ZNF277: variants seen among roughly 807,000 people sequenced by gnomAD.
The protein encoded by ZNF277 is zinc finger protein 277, also known as nuclear receptor-interacting factor 4.
In ZNF277, 55 loss-of-function variants were observed where a neutral mutation model predicts 60.7. The ratio of observed to expected loss-of-function variants is 0.91; its 90% CI spans 0.73 to 1.13. The LOEUF (loss-of-function observed/expected upper bound fraction) is 1.13, where lower values mean the gene tolerates loss of function less well. Ranked by LOEUF, ZNF277 falls within the 50% of genes most tolerant of loss-of-function variation. ZNF277 has a pLI of 0.00. For missense variants in ZNF277, 510 were observed against 523.0 expected, an observed-to-expected ratio of 0.98 and a Z score of 0.24; for synonymous variants, 178 against 179.3, an observed-to-expected ratio of 0.99 and a Z score of 0.06.
chr7:112,342,702 C>T lies in ZNF277; in HGVS notation c.1326C>T (p.Ser442=). The T allele has an allele frequency of 1.9e-6, 3 of 1,604,798 alleles. No individual in the cohort carries two copies. Among genetic ancestry groups the T allele is most frequent in the Non-Finnish European group, 2.5e-6 (3 of 1,176,852 alleles). ...CTAAACTGTATGCTTTGAAACAAAG[C>T]AGTATTTTGAACCAGTTGCTACTAT... ...DTSKLYALKQ[S]SILNQLLL is the part of the protein sequence containing the mutation. Residue 442 remains serine (S), a synonymous_variant, in exon 12 of 12, where the codon AGC becomes AGT. Coordinates refer to ENST00000361822, the MANE Select transcript of ZNF277 (RefSeq NM_021994.3).
chr7:112,208,679 T>TTTTG (rs1182370669), intron 1 of ZNF277, among the ~76,000 whole-genome samples: 1 of 119,712 alleles, frequency 8.4e-6, no homozygotes, highest in Non-Finnish European at 1.7e-5. Flanking sequence ...ATTTGATTTT[T>TTTTG]TTTTTTTTTT....
At chr7:112,212,901 C>T (rs974297280) in intron 1 of ZNF277, among the ~76,000 whole-genome samples, 1 of 152,162 alleles carries the variant, frequency 6.6e-6, no homozygotes, top group Non-Finnish European at 1.5e-5. Flanking sequence ...CACTCAAAGT[C>T]ATCAAGAAAC....
In ZNF277 at chr7:112,327,796, T is replaced by G. The variant is rs1421453013; in HGVS notation, c.637T>G (p.Phe213Val). 2 of 1,611,940 alleles carry G rather than the reference T, an allele frequency of 1.2e-6. No individual in the cohort carries two copies. Among genetic ancestry groups the G allele is most frequent in the South Asian group, 1.1e-5 (1 of 90,544 alleles). Residue 213 changes from phenylalanine to valine, a missense_variant, in exon 6 of 12, where the codon TTT (phenylalanine) becomes GTT (valine). By Grantham distance (50) the Phe-to-Val change is conservative. Transcript: ENST00000361822. ...LPDNIVNCNE[F>V]LCTLQKKLDN... The stretch of plus-strand genomic sequence containing the variant: ...AGACAACATTGTAAACTGCAATGAA[T>G]TTTTGTGTACATTACAGAAAAAGCT...
chr7:112,307,782 A>G (rs1792635077), intron 4 of ZNF277, among the ~76,000 whole-genome samples: 2 of 151,836 alleles, frequency 1.3e-5, no homozygotes, highest in Admixed American at 1.3e-4. Flanking sequence ...GATTTTAATT[A>G]GTATCTTAGT....
At chr7:112,233,536 A>G (rs894330879) in intron 1 of ZNF277, among the ~76,000 whole-genome samples, 3 of 152,200 alleles carry the variant, frequency 2.0e-5, no homozygotes, top group Non-Finnish European at 2.9e-5. Context: ...CAGCACTGTC[A>G]TGGGAACTCC....
At position 112,337,741 on chromosome 7, in the gene ZNF277, A is replaced by T. The variant is rs1793360990; in HGVS notation, c.881A>T (p.Asp294Val). 1 of 1,611,998 alleles carries T rather than the reference A, an allele frequency of 6.2e-7. No homozygotes were observed. Among genetic ancestry groups the T allele is most frequent in the Non-Finnish European group, 8.5e-7 (1 of 1,179,320 alleles). ...LLDHQEDDWS[D>V]WEEHPASAVC... ...CTTTTTTAATTCAGTGACTGGTCTG[A>T]TTGGGAAGAACACCCTGCCTCTGCA... The change falls in exon 9 of 12, where the codon GAT becomes GTT. Residue 294 changes from aspartate to valine, a missense_variant. Coordinates refer to ENST00000361822, the MANE Select transcript of ZNF277 (RefSeq NM_021994.3).
chr7:112,333,536 A>G (rs1335600361), intron 7 of ZNF277, among the ~76,000 whole-genome samples: 1 of 152,134 alleles, frequency 6.6e-6, no homozygotes, highest in Admixed American at 6.6e-5. Context: ...CTCCACTTCA[A>G]ACGCCATAGA....
intron 1 of ZNF277, among the ~76,000 whole-genome samples, chr7:112,245,058 T>C (rs1791052739): frequency 6.6e-6 from 1 of 152,132 alleles, no homozygotes; most frequent in African/African-American, 2.4e-5. Flanking sequence ...TAAATGTTGG[T>C]TTACAGTGTC....
chr7:112,295,797 T>C, intron 2 of ZNF277, 72 bp from the exon 3 acceptor site: 1 of 1,204,864 alleles, frequency 8.3e-7, no homozygotes, highest in South Asian at 1.3e-5. Flanking sequence ...AATGTGCTTA[T>C]AGATTCCTGT....
Position 112,336,175 on chromosome 7 carries a change from A to G in ZNF277, c.869+4A>G, listed in dbSNP as rs750062616. 5.6e-6 allele frequency: 9 copies of G among 1,608,610 alleles called. No individual in the cohort carries two copies. Reference sequence around the variant, plus strand: ...AGTTGCTGGACCATCAGGAAGAGTAAGAGTTGTTATTGCTGCTAATTAATT... The same window carrying G: ...AGTTGCTGGACCATCAGGAAGAGTAGGAGTTGTTATTGCTGCTAATTAATT... On this transcript the variant is annotated splice_donor_region_variant and intron_variant, in intron 8 of 11. Transcript: ENST00000361822.
chr7:112,312,508 A>C (rs568322302), intron 4 of ZNF277, among the ~76,000 whole-genome samples: 30 of 152,272 alleles, frequency 2.0e-4, no homozygotes, highest in Non-Finnish European at 3.7e-4. Context: ...TAGGAGAGGC[A>C]TGCTGAAGTA....
intron 4 of ZNF277, among the ~76,000 whole-genome samples, chr7:112,313,578 A>T (rs1792778928): frequency 6.6e-6 from 1 of 152,120 alleles, no homozygotes; most frequent in South Asian, 2.1e-4. Flanking sequence ...AGCAAGTAAA[A>T]TTCTATGTAT....
intron 5 of ZNF277, among the ~76,000 whole-genome samples, chr7:112,320,917 CTTT>C (rs1230552751): frequency 7.1e-5 from 7 of 98,382 alleles, no homozygotes; most frequent in Admixed American, 1.2e-4. Context: ...TTGTTTCTTT[CTTT>C]TTTTTTTTTT....
chr7:112,320,923 T>C (rs946444854), intron 5 of ZNF277, among the ~76,000 whole-genome samples: 4 of 133,962 alleles, frequency 3.0e-5, no homozygotes, highest in Non-Finnish European at 6.3e-5. Context: ...CTTTCTTTTT[T>C]TTTTTTTTTT....
intron 5 of ZNF277, 40 bp downstream of exon 5, chr7:112,318,313 C>G: frequency 6.5e-7 from 1 of 1,546,270 alleles, no homozygotes; most frequent in Non-Finnish European, 8.9e-7. Flanking sequence ...TGTTTTTAAT[C>G]TGAAAACTCA....
chr7:112,212,323 C>T (rs1821772221), intron 1 of ZNF277, among the ~76,000 whole-genome samples: 1 of 152,152 alleles, frequency 6.6e-6, no homozygotes, highest in Admixed American at 6.6e-5. Context: ...CCATTAAGTC[C>T]AGTCTCATAT....
At chr7:112,242,474 C>T (rs1303868753) in intron 1 of ZNF277, among the ~76,000 whole-genome samples, 1 of 136,006 alleles carries the variant, frequency 7.4e-6, no homozygotes, top group South Asian at 2.3e-4. Context: ...AAGTAACGTA[C>T]AAAAATTAGT....
intron 5 of ZNF277, among the ~76,000 whole-genome samples, chr7:112,321,797 T>C (rs1002463262): frequency 2.0e-5 from 3 of 152,164 alleles, no homozygotes; most frequent in African/African-American, 7.2e-5. Flanking sequence ...GCACTTTGAA[T>C]ATGACATTCT....
rs1793191657 is a variant in ZNF277 at position 112,330,137 on chromosome 7, A to T, written c.722A>T (p.Asp241Val). The T allele has an allele frequency of 6.2e-7, 1 of 1,613,528 alleles. No individual in the cohort carries two copies. Among genetic ancestry groups the T allele is most frequent in the Non-Finnish European group, 8.5e-7 (1 of 1,179,802 alleles). ...KTFRDKNTLKDHMRKKQHRKI... is the reference protein window; with the variant it reads ...KTFRDKNTLKVHMRKKQHRKI... ...TTCAGGGACAAAAATACACTTAAAG[A>T]TCACATGAGGAAAAAACAGCATCGT... Residue 241 changes from aspartate (D) to valine (V), a missense_variant, in exon 7 of 12, where the codon GAT becomes GTT. Transcript: ENST00000361822.
Sources: gnomAD v4.1 joint callset for allele counts (sites outside exome capture counted in the v4.1 genomes callset) on GRCh38, gnomAD v4.1.1 for gene constraint, MANE v1.5 for transcripts, NCBI Gene and HGNC (gene_info 2026-07-23, HGNC 2026-07-21) for gene names.